Variants in PCDH7 observed in about 807,000 individuals in gnomAD.
PCDH7 encodes the protein protocadherin-7.
PCDH7 carries 17 observed loss-of-function variants against 58.9 expected under a neutral mutation model. The observed-to-expected ratio is 0.29, with a 90% CI of 0.20 to 0.43. The LOEUF (loss-of-function observed/expected upper bound fraction) is 0.43. Ranked by LOEUF, PCDH7 falls within the 20% of genes least tolerant of loss-of-function variation. The pLI is 1.00. For missense variants in PCDH7, 1,274 were observed against 1,441.0 expected (o/e 0.88, Z 1.88); for synonymous variants, 664 against 616.4 (o/e 1.08, Z -1.14).
intron 1 of PCDH7, among the ~76,000 whole-genome samples, chr4:30,893,108 C>T (rs1738833719): frequency 6.6e-6 from 1 of 152,004 alleles, no homozygotes; most frequent in Non-Finnish European, 1.5e-5. Context: ...TTTATATGGT[C>T]TTTATAAGAA....
intron 1 of PCDH7, among the ~76,000 whole-genome samples, chr4:30,903,772 A>T (rs1181740912): frequency 6.6e-6 from 1 of 152,144 alleles, no homozygotes; most frequent in Non-Finnish European, 1.5e-5. Flanking sequence ...AAAAGAGAGA[A>T]CCAAAATGTA....
At chr4:31,092,997 T>C (rs1183331301) in intron 3 of PCDH7, among the ~76,000 whole-genome samples, 1 of 152,114 alleles carries the variant, frequency 6.6e-6, no homozygotes, top group African/African-American at 2.4e-5. Context: ...TTTAAAGCTT[T>C]GTCTGAACCA....
rs750644849 is a variant in PCDH7 at position 30,723,749 on chromosome 4, A to G, written c.2327A>G (p.Asn776Ser). ...GCAACAGACAGTGATGATGGCATCA[A>G]TGCAGACCTGAACTACAGCATTGTG... Residue 776 changes from asparagine (N) to serine (S), a missense_variant, in exon 1 of 2, where the codon AAT (asparagine) becomes AGT (serine). By Grantham distance (46) the Asn-to-Ser change is conservative (BLOSUM62 1). Coordinates refer to ENST00000361762, the Ensembl canonical transcript of PCDH7. The surrounding 1 kb of genome is among the most constrained non-coding windows in gnomAD (Gnocchi z 4.6). 3.7e-6 allele frequency: 6 copies of G among 1,614,082 alleles called. No homozygotes were observed. Among genetic ancestry groups the G allele is most frequent in the East Asian group, 2.2e-5 (1 of 44,886 alleles).
intron 3 of PCDH7, among the ~76,000 whole-genome samples, chr4:31,128,299 A>G (rs1718565015): frequency 6.6e-6 from 1 of 152,032 alleles, no homozygotes; most frequent in South Asian, 2.1e-4. Context: ...GCACTGATCT[A>G]AACTGTCCAT....
chr4:30,783,451 G>A (rs772955543), intron 1 of PCDH7, among the ~76,000 whole-genome samples: 12 of 152,042 alleles, frequency 7.9e-5, no homozygotes, highest in South Asian at 2.1e-4. Flanking sequence ...ATCATTTTAC[G>A]TATTGCCAAT....
At chr4:31,117,806 T>A (rs1717184541) in intron 3 of PCDH7, among the ~76,000 whole-genome samples, 1 of 152,156 alleles carries the variant, frequency 6.6e-6, no homozygotes, top group African/African-American at 2.4e-5. Flanking sequence ...TAGAGGTCAG[T>A]CTGTAGTAGA....
chr4:30,789,608 T>A (rs113255753), intron 1 of PCDH7, among the ~76,000 whole-genome samples: 28 of 152,308 alleles, frequency 1.8e-4, no homozygotes, highest in African/African-American at 6.0e-4. Flanking sequence ...AGAGGGTTTT[T>A]TTTTCCTTCT....
chr4:30,795,991 G>A (rs775281727), intron 1 of PCDH7, among the ~76,000 whole-genome samples: 3 of 152,172 alleles, frequency 2.0e-5, no homozygotes, highest in Non-Finnish European at 4.4e-5. Flanking sequence ...CTTCAGCAGA[G>A]TAATTAGGTA....
intron 2 of PCDH7, among the ~76,000 whole-genome samples, chr4:30,924,252 A>G (rs1001915959): frequency 7.2e-5 from 11 of 152,192 alleles, no homozygotes; most frequent in African/African-American, 2.7e-4. Context: ...AAGCTCAGAT[A>G]TAGAAAACAC....
At chr4:31,001,015 G>A (rs1339178550) in intron 3 of PCDH7, among the ~76,000 whole-genome samples, 2 of 101,260 alleles carry the variant, frequency 2.0e-5, no homozygotes, top group Non-Finnish European at 3.3e-5. Context: ...TGTAAGTGGC[G>A]GCAGTGTGGG....
At chr4:30,781,057 A>C (rs1000583899) in intron 1 of PCDH7, among the ~76,000 whole-genome samples, 1 of 152,180 alleles carries the variant, frequency 6.6e-6, no homozygotes, top group Admixed American at 6.5e-5. Flanking sequence ...CCTCAGAACC[A>C]GGACTGTGTT....
At chr4:30,804,416 G>A (rs1050702024) in intron 1 of PCDH7, among the ~76,000 whole-genome samples, 6 of 151,964 alleles carry the variant, frequency 3.9e-5, no homozygotes, top group Non-Finnish European at 8.8e-5. Flanking sequence ...GTGTGTATCT[G>A]TAGTCCTAGC....
At chr4:30,774,972 G>A (rs1721878015) in intron 1 of PCDH7, among the ~76,000 whole-genome samples, 1 of 152,168 alleles carries the variant, frequency 6.6e-6, no homozygotes, top group African/African-American at 2.4e-5. Context: ...AATTCTAACA[G>A]CTTTGACTCC....
chr4:31,113,101 T>A (rs1716526770), intron 3 of PCDH7, among the ~76,000 whole-genome samples: 1 of 152,186 alleles, frequency 6.6e-6, no homozygotes, highest in Non-Finnish European at 1.5e-5. Context: ...ATACTAAAAT[T>A]GACCTTCTTT....
At chr4:31,130,060 T>C (rs1486458324) in intron 3 of PCDH7, among the ~76,000 whole-genome samples, 2 of 152,168 alleles carry the variant, frequency 1.3e-5, no homozygotes, top group Admixed American at 6.5e-5. Context: ...ATAAATCCTA[T>C]AAAGTATTTA....
At chr4:31,054,334 A>G (rs1756981236) in intron 3 of PCDH7, among the ~76,000 whole-genome samples, 1 of 152,222 alleles carries the variant, frequency 6.6e-6, no homozygotes. Flanking sequence ...CAAAGCAGCC[A>G]CAACAAATTT....
intron 3 of PCDH7, among the ~76,000 whole-genome samples, chr4:30,955,666 A>G (rs1216125515): frequency 6.6e-6 from 1 of 151,788 alleles, no homozygotes; most frequent in Non-Finnish European, 1.5e-5. Flanking sequence ...CTCCTGCCTC[A>G]GCCTCTCCAG....
intron 1 of PCDH7, among the ~76,000 whole-genome samples, chr4:30,867,833 C>G (rs376719274): frequency 6.0e-4 from 91 of 152,094 alleles, no homozygotes; most frequent in African/African-American, 2.1e-3. Flanking sequence ...TGCATTTTAT[C>G]AGAGGTGATA....
chr4:30,956,038 CAA>C (rs111270548), intron 3 of PCDH7, among the ~76,000 whole-genome samples: 1 of 125,828 alleles, frequency 7.9e-6, no homozygotes, highest in Non-Finnish European at 1.7e-5. Context: ...CAAAAACAAA[CAA>C]AAAAAAAAAG....
Sources: allele counts gnomAD v4.1 joint callset (sites outside exome capture counted in the v4.1 genomes callset), GRCh38; gene constraint gnomAD v4.1.1; non-coding constraint Gnocchi (gnomAD v3.1); transcripts MANE v1.5; gene names NCBI Gene and HGNC (gene_info 2026-07-23, HGNC 2026-07-21).